The following SMG7 variants were observed in gnomAD, a reference collection of about 807,000 sequenced individuals.
SMG7 encodes the protein SMG7 nonsense mediated mRNA decay factor, also known as nonsense-mediated mRNA decay factor SMG7.
Under a neutral mutation model 148.2 loss-of-function variants are expected in SMG7, and 34 were observed. The ratio of observed to expected loss-of-function variants is 0.23; its 90% confidence interval spans 0.17 to 0.31. The LOEUF (loss-of-function observed/expected upper bound fraction) is 0.31. SMG7 is among the 10% of genes least tolerant of loss of function. The pLI is 1.00. For missense variants in SMG7, 1,114 were observed against 1,408.4 expected, an observed-to-expected ratio of 0.79 and a Z score of 3.35; for synonymous variants, 492 against 515.1, an observed-to-expected ratio of 0.96 and a Z score of 0.61.
intron 4 of SMG7, among the ~76,000 whole-genome samples, chr1:183,520,290 A>T (rs1413619055): frequency 6.6e-6 from 1 of 152,108 alleles, no homozygotes; most frequent in African/African-American, 2.4e-5. Context: ...AAAATCATAT[A>T]AAATTATATA....
chr1:183,551,250 C>T, intron 22 of SMG7, 60 bp downstream of exon 22: 4 of 1,490,102 alleles, frequency 2.7e-6, no homozygotes, highest in Non-Finnish European at 3.6e-6. Context: ...TCTCTGCTTT[C>T]ATTCACATAA....
rs1241107594 is a variant in SMG7 at position 183,529,471 on chromosome 1, T to C, written c.781T>C (p.Tyr261His). The change falls in exon 8 of 23, where the codon TAC becomes CAC. Residue 261 changes from tyrosine to histidine, a missense_variant. Physicochemically the swap from Tyr to His is moderately conservative, Grantham distance 83 (BLOSUM62 2). Transcript: ENST00000688051. ...KAFIKFHGHV[Y>H]LSKSLEKLSP... Reference sequence around the variant, plus strand: ...CTTTATTAAATTCCACGGTCATGTGTACCTGAGTAAGAGCTTGGAAAAGTT... The same window carrying C: ...CTTTATTAAATTCCACGGTCATGTGCACCTGAGTAAGAGCTTGGAAAAGTT... 1 of 1,613,220 alleles carries C rather than the reference T, an allele frequency of 6.2e-7. No individual in the cohort carries two copies. The highest frequency in any genetic ancestry group is 8.5e-7 in the Non-Finnish European group (1 of 1,179,252).
intron 1 of SMG7, among the ~76,000 whole-genome samples, chr1:183,504,808 T>C (rs936952967): frequency 1.3e-5 from 2 of 152,160 alleles, no homozygotes; most frequent in African/African-American, 2.4e-5. Flanking sequence ...ATCTCTGAAA[T>C]TGAGGAAATA....
intron 2 of SMG7, among the ~76,000 whole-genome samples, chr1:183,514,655 A>G (rs1663054620): frequency 6.6e-6 from 1 of 152,256 alleles, no homozygotes; most frequent in African/African-American, 2.4e-5. Flanking sequence ...TTGGCTGCCC[A>G]GAAACTTTAA....
chr1:183,542,215 G>C lies in SMG7; in HGVS notation c.1555G>C (p.Gly519Arg), dbSNP rs148593325. The C allele has an allele frequency of 6.3e-4, 1,019 of 1,614,108 alleles. 1 individual carries two copies. Among genetic ancestry groups the C allele is most frequent in the Non-Finnish European group, 8.2e-4 (964 of 1,179,984 alleles). ...TGTGATAGAGTCGCTGGCTGCAGATGGGAGCCCAGGGCTAAAATCAGTGCT... is the reference window on the plus strand; with the variant it reads ...TGTGATAGAGTCGCTGGCTGCAGATCGGAGCCCAGGGCTAAAATCAGTGCT... ...TSVIESLAAD[G>R]SPGLKSVLST... is the part of the protein sequence containing the mutation. The change falls in exon 14 of 23, where the codon GGG (glycine) becomes CGG (arginine). Residue 519 changes from glycine to arginine, a missense_variant. Physicochemically the swap from Gly to Arg is moderately radical, Grantham distance 125 (BLOSUM62 -2). Coordinates refer to ENST00000688051, the MANE Select transcript of SMG7 (RefSeq NM_001375584.1).
At chr1:183,536,083 C>CT (rs1434350502) in intron 10 of SMG7, among the ~76,000 whole-genome samples, 1 of 152,090 alleles carries the variant, frequency 6.6e-6, no homozygotes, top group Non-Finnish European at 1.5e-5. Flanking sequence ...TCCAGTTTCT[C>CT]TATCCTGGGC....
chr1:183,524,326 G>C (rs1027839858), intron 4 of SMG7, among the ~76,000 whole-genome samples: 1 of 152,044 alleles, frequency 6.6e-6, no homozygotes, highest in Non-Finnish European at 1.5e-5. Context: ...TTGCTTTGCT[G>C]TCCAGGCTGG....
chr1:183,543,454 TA>T (rs1348122584), intron 14 of SMG7, among the ~76,000 whole-genome samples: 1 of 149,508 alleles, frequency 6.7e-6, no homozygotes, highest in Non-Finnish European at 1.5e-5. Flanking sequence ...AATTAAGACA[TA>T]GGGGAGAGAG....
chr1:183,511,532 A>G (rs1190839572), intron 1 of SMG7, among the ~76,000 whole-genome samples: 5 of 152,238 alleles, frequency 3.3e-5, no homozygotes, highest in Admixed American at 2.0e-4. Flanking sequence ...AGTCCAGTCC[A>G]GAAGTCCAGA....
At chr1:183,491,528 C>T (rs973813685) in intron 1 of SMG7, among the ~76,000 whole-genome samples, 1 of 152,160 alleles carries the variant, frequency 6.6e-6, no homozygotes, top group Non-Finnish European at 1.5e-5. Context: ...CATATATATA[C>T]ACTCGGGTAC....
intron 14 of SMG7, among the ~76,000 whole-genome samples, chr1:183,542,971 ATT>A (rs1491370471): frequency 4.0e-4 from 47 of 117,068 alleles, no homozygotes; most frequent in African/African-American, 1.6e-3. Context: ...GTGTGTGTGT[ATT>A]TTTTTTCTTG....
intron 8 of SMG7, among the ~76,000 whole-genome samples, chr1:183,531,114 C>G (rs962477371): frequency 6.6e-6 from 1 of 152,068 alleles, no homozygotes; most frequent in Admixed American, 6.6e-5. Flanking sequence ...CAGTGTTGAA[C>G]TAGAACATTG....
intron 8 of SMG7, among the ~76,000 whole-genome samples, chr1:183,531,427 T>C (rs1384547940): frequency 6.6e-6 from 1 of 152,174 alleles, no homozygotes; most frequent in East Asian, 1.9e-4. Flanking sequence ...AATCTGACTT[T>C]ATTCCTTGGA....
Position 183,512,827 on chromosome 1 carries a change from T to G in SMG7, c.30-10T>G. 1 of 1,581,002 alleles carries G rather than the reference T, an allele frequency of 6.3e-7. No homozygotes were observed. Among genetic ancestry groups the G allele is most frequent in the Non-Finnish European group, 8.5e-7 (1 of 1,169,618 alleles). The stretch of plus-strand genomic sequence containing the variant: ...GATACTCTTTTTTTTTTTTTTTTTT[T>G]TCTATCTAGGCAGGCAGAAGTCCTG... On this transcript the variant is annotated splice_polypyrimidine_tract_variant and intron_variant, in intron 1 of 22. Coordinates refer to ENST00000688051, the MANE Select transcript of SMG7 (RefSeq NM_001375584.1).
intron 1 of SMG7, among the ~76,000 whole-genome samples, chr1:183,482,010 G>A (rs542712722): frequency 1.3e-5 from 2 of 152,168 alleles, no homozygotes; most frequent in African/African-American, 2.4e-5. Flanking sequence ...AGCAGGATTA[G>A]CCAGGTAAAA....
At position 183,497,725 on chromosome 1, in the gene SMG7, G is replaced by A. The variant is rs150970655; in HGVS notation, c.30-15112G>A. Among the ~76,000 whole-genome samples the A allele has an allele frequency of 3.4e-3, 520 of 151,924 alleles. 2 individuals carry two copies. The highest frequency in any genetic ancestry group is 0.012 in the African/African-American group (501 of 41,468). The stretch of plus-strand genomic sequence containing the variant: ...GCTGGGATTATAGGCGCCCGCCACC[G>A]TGCCCGGCTAATTTTTGTCTTTTTA... On this transcript the variant is annotated intron_variant, in intron 1 of 22. Coordinates refer to ENST00000688051, the MANE Select transcript of SMG7 (RefSeq NM_001375584.1).
intron 13 of SMG7, 70 bp downstream of exon 13, chr1:183,541,173 C>A: frequency 7.5e-7 from 1 of 1,338,408 alleles, no homozygotes; most frequent in Non-Finnish European, 1.1e-6. Flanking sequence ...CGCACACGCG[C>A]GCGCACACAC....
chr1:183,509,540 C>A (rs1348815035), intron 1 of SMG7, among the ~76,000 whole-genome samples: 1 of 151,992 alleles, frequency 6.6e-6, no homozygotes, highest in African/African-American at 2.4e-5. Context: ...GTATAGCTAT[C>A]CCGTAGGGTT....
intron 8 of SMG7, 35 bp from the exon 9 acceptor site, chr1:183,533,129 G>A (rs766274082): frequency 1.9e-6 from 3 of 1,586,244 alleles, no homozygotes; most frequent in Non-Finnish European, 2.6e-6. Flanking sequence ...TCCTGTTCTT[G>A]ATAATATATG....
Sources: allele counts gnomAD v4.1 joint callset (sites outside exome capture counted in the v4.1 genomes callset), GRCh38; gene constraint gnomAD v4.1.1; transcripts MANE v1.5; gene names NCBI Gene and HGNC (gene_info 2026-07-23, HGNC 2026-07-21).